PSMG4: variants seen among roughly 807,000 people sequenced by gnomAD.
PSMG4 encodes the protein proteasome assembly chaperone 4, also known as proteasome (prosome, macropain) assembly chaperone 4.
A neutral mutation model predicts 11.0 loss-of-function variants in PSMG4; 10 were observed. The observed-to-expected ratio is 0.91, with a 90% CI of 0.56 to 1.54. The LOEUF (loss-of-function observed/expected upper bound fraction) is 1.54, where lower values mean the gene tolerates loss of function less well. Among genes scored for constraint, PSMG4 ranks in the 40% most tolerant of loss-of-function variants. The pLI, the probability that PSMG4 is intolerant of heterozygous loss-of-function variation, is 0.00. For synonymous variants in PSMG4, 95 were observed against 71.3 expected, an observed-to-expected ratio of 1.33 and a Z score of -1.68; for missense variants, 198 against 160.9, an observed-to-expected ratio of 1.23 and a Z score of -1.25.
chr6:3,262,007 CT>C (rs1267559843), intron 1 of PSMG4, among the ~76,000 whole-genome samples: 1 of 152,252 alleles, frequency 6.6e-6, no homozygotes, highest in African/African-American at 2.4e-5. Flanking sequence ...ACATGTGAGA[CT>C]GTAGAGAACA....
chr6:3,255,012 G>GA (rs745356073), upstream of PSMG4: 18 of 1,544,740 alleles, frequency 1.2e-5, no homozygotes, highest in Non-Finnish European at 1.5e-5. Flanking sequence ...TCCCATGTGG[G>GA]AGCGCTGGGA....
At chr6:3,254,633 T>A (rs997780932), upstream of PSMG4, among the ~76,000 whole-genome samples, 2 of 152,170 alleles carry the variant, frequency 1.3e-5, no homozygotes, top group Non-Finnish European at 2.9e-5. Context: ...GGTGTAACAC[T>A]GATTGTGAAG....
chr6:3,258,935 C>G (rs921631908), upstream of PSMG4: 17 of 1,186,024 alleles, frequency 1.4e-5, no homozygotes, highest in South Asian at 4.3e-5. Context: ...CGCGCTCGGT[C>G]TCTCGGTGCT....
At chr6:3,255,115 C>G, upstream of PSMG4, 2 of 1,551,042 alleles carry the variant, frequency 1.3e-6, no homozygotes, top group African/African-American at 2.7e-5. Flanking sequence ...CACAACATCA[C>G]CAGCTTACCA....
chr6:3,263,729 A>G lies in PSMG4; in HGVS notation c.220A>G (p.Thr74Ala). ...STSLLGDTSD[T>A]TSTGLAQRLA... is the part of the protein sequence containing the mutation. ...CTCCCTCCTTGGAGACACTTCCGAC[A>G]CGACCTCTACTGGCCTTGCCCAGCG... Residue 74 changes from threonine to alanine, a missense_variant, in exon 2 of 3, where the codon ACG becomes GCG. Physicochemically the swap from Thr to Ala is moderately conservative, Grantham distance 58. Transcript: ENST00000438998. The G allele has an allele frequency of 6.4e-7, 1 of 1,551,198 alleles. No individual in the cohort carries two copies. Among genetic ancestry groups the G allele is most frequent in the Non-Finnish European group, 8.7e-7 (1 of 1,146,728 alleles).
upstream of PSMG4, among the ~76,000 whole-genome samples, chr6:3,254,671 G>A (rs4997133): frequency 0.71 from 107,252 of 151,784 alleles, 40,394 homozygotes; most frequent in Non-Finnish European, 0.84. Context: ...TTCAAGCTGC[G>A]AAACCACTAA....
upstream of PSMG4, among the ~76,000 whole-genome samples, chr6:3,257,009 C>T (rs9503501): frequency 0.024 from 3,693 of 152,194 alleles, 95 homozygotes; most frequent in African/African-American, 0.066. Context: ...GATGGATTGA[C>T]CTTCTGTACA....
At chr6:3,254,888 C>G (rs1279684721), upstream of PSMG4, among the ~76,000 whole-genome samples, 1 of 151,316 alleles carries the variant, frequency 6.6e-6, no homozygotes, top group Admixed American at 6.6e-5. Context: ...GTGACTCCGA[C>G]CTTGTAAGTG....
chr6:3,267,454 G>A, intron 2 of PSMG4, 137 bp from the exon 3 acceptor site: 1 of 925,288 alleles, frequency 1.1e-6, no homozygotes, highest in Non-Finnish European at 1.6e-6. Flanking sequence ...CTGAAGAGAG[G>A]CATGGAGATT....
chr6:3,265,950 T>G (rs1490975316), intron 2 of PSMG4: 1 of 150,476 alleles, frequency 6.6e-6, no homozygotes, highest in Admixed American at 6.6e-5. Context: ...AAAAACAGCT[T>G]TACCGAGACG....
At chr6:3,258,046 TTGTA>T (rs1332491388), upstream of PSMG4, among the ~76,000 whole-genome samples, 1 of 146,886 alleles carries the variant, frequency 6.8e-6, no homozygotes, top group African/African-American at 2.4e-5. Context: ...CTAAAGTCAG[TTGTA>T]ACAGAATCTG....
rs994622348 is a variant in PSMG4 at position 3,264,121 on chromosome 6, G to T, written c.250+362G>T. 5 of 1,523,404 alleles carry T rather than the reference G, an allele frequency of 3.3e-6. No homozygotes were observed. In the Admixed American group the frequency reaches 1.0e-4, roughly 31 times the overall value. 94.4% of individuals were successfully genotyped at this position (1,523,404 alleles called of 1,614,324 possible). A position where few individuals can be genotyped will look rare whatever the true frequency, so the allele number is the denominator to read the frequency against. On this transcript the variant is annotated intron_variant, in intron 2 of 2. Transcript: ENST00000438998. ...GGGTGGTGGCTCAAGGTAGCCTCCCGGGCCTTAGGAGGAGTCAGTGCAGCT... is the reference window on the plus strand; with the variant it reads ...GGGTGGTGGCTCAAGGTAGCCTCCCTGGCCTTAGGAGGAGTCAGTGCAGCT...
intron 1 of PSMG4, among the ~76,000 whole-genome samples, chr6:3,261,667 G>GT (rs1757995723): frequency 6.6e-6 from 1 of 152,170 alleles, no homozygotes. Context: ...TTCTCTCCAG[G>GT]GGCAGAGAGC....
At chr6:3,259,927 A>C (rs551195026) in intron 1 of PSMG4, among the ~76,000 whole-genome samples, 246 of 152,294 alleles carry the variant, frequency 1.6e-3, no homozygotes, top group Middle Eastern at 0.014. Context: ...CGCGTGGCTT[A>C]AAACAACAGA....
chr6:3,257,987 T>G (rs1757822523), upstream of PSMG4, among the ~76,000 whole-genome samples: 1 of 152,268 alleles, frequency 6.6e-6, no homozygotes, highest in Non-Finnish European at 1.5e-5. Flanking sequence ...TCAACTTAGA[T>G]CTATTAGAGA....
chr6:3,260,291 A>ATATATAT lies in PSMG4; in HGVS notation c.174+1096_174+1097insATATATT. Among the ~76,000 whole-genome samples the ATATATAT allele has an allele frequency of 3.0e-3, 214 of 70,850 alleles. 4 individuals carry two copies. The highest frequency in any genetic ancestry group is 0.011 in the African/African-American group (208 of 18,348). 46.5% of individuals were successfully genotyped at this position (70,850 alleles called of 152,430 possible). ...TGTCTTAAATTGTATATATATATAT[A>ATATATAT]TTTTTTTTTTTTTTTTTTGAAGCAA... On this transcript the variant is annotated intron_variant, in intron 1 of 2. Coordinates refer to ENST00000438998, the MANE Select transcript of PSMG4 (RefSeq NM_001128591.2).
At chr6:3,262,537 T>C (rs1319318638) in intron 1 of PSMG4, among the ~76,000 whole-genome samples, 1 of 152,226 alleles carries the variant, frequency 6.6e-6, no homozygotes, top group African/African-American at 2.4e-5. Flanking sequence ...TTTGTGGAAG[T>C]GGCTTTGAAC....
At chr6:3,254,756 CTG>C (rs781534005), upstream of PSMG4, among the ~76,000 whole-genome samples, 47 of 152,196 alleles carry the variant, frequency 3.1e-4, no homozygotes, top group East Asian at 4.5e-3. Context: ...CTTTTAAAAA[CTG>C]TAATGCTCAC....
intron 2 of PSMG4, chr6:3,267,302 G>A (rs1633): frequency 0.85 from 221,108 of 258,894 alleles, 94,909 homozygotes; most frequent in Non-Finnish European, 0.87. Flanking sequence ...TTCTGGGTCA[G>A]GAGGGCTGGG....
Sources: gnomAD v4.1 joint callset for allele counts (sites outside exome capture counted in the v4.1 genomes callset) on GRCh38, gnomAD v4.1.1 for gene constraint, MANE v1.5 for transcripts, NCBI Gene and HGNC (gene_info 2026-07-23, HGNC 2026-07-21) for gene names.